Variants in SAP130 observed in about 807,000 individuals in gnomAD.
The protein encoded by SAP130 is histone deacetylase complex subunit SAP130.
In SAP130, 16 loss-of-function variants were observed where a neutral mutation model predicts 103.2. The ratio of observed to expected loss-of-function variants is 0.16; its 90% confidence interval spans 0.10 to 0.24. SAP130 has a LOEUF of 0.24. Among genes scored for constraint, SAP130 ranks in the 10% least tolerant of loss-of-function variants. SAP130 has a pLI of 1.00. For synonymous variants in SAP130, 477 were observed against 497.0 expected, an observed-to-expected ratio of 0.96 and a Z score of 0.53; for missense variants, 990 against 1,359.7, an observed-to-expected ratio of 0.73 and a Z score of 4.28.
At position 127,941,883 on chromosome 2, in the gene SAP130, A is replaced by G; in HGVS notation, c.*123T>C. The G allele has an allele frequency of 2.2e-6, 2 of 893,956 alleles. No individual in the cohort carries two copies. The highest frequency in any genetic ancestry group is 1.7e-6 in the Non-Finnish European group (1 of 573,294). 55.4% of individuals were successfully genotyped at this position (893,956 alleles called of 1,614,324 possible). ...GGATGTCATGGGTTCCTCTGCTTTC[A>G]CACGGGAACTAAGGAACACTTCCTT... On this transcript the variant is annotated 3_prime_UTR_variant, in exon 21 of 21. Transcript: ENST00000643581.
chr2:127,973,828 C>T (rs1681264277), intron 15 of SAP130, among the ~76,000 whole-genome samples: 1 of 152,096 alleles, frequency 6.6e-6, no homozygotes, highest in South Asian at 2.1e-4. Flanking sequence ...AATCCCAGCA[C>T]TTTGTGAGGC....
intron 5 of SAP130, among the ~76,000 whole-genome samples, chr2:128,014,118 AC>A (rs1172202349): frequency 6.6e-6 from 1 of 152,228 alleles, no homozygotes; most frequent in Non-Finnish European, 1.5e-5. Flanking sequence ...ACCATATTAA[AC>A]ACTTTAATTG....
At chr2:127,943,107 C>T (rs186471353) in intron 19 of SAP130, among the ~76,000 whole-genome samples, 49 of 152,320 alleles carry the variant, frequency 3.2e-4, no homozygotes, top group African/African-American at 1.2e-3. Context: ...CTTTTGAATA[C>T]TGCCTTGAAT....
chr2:127,941,941 ACCCTCC>A lies in SAP130; in HGVS notation c.*59_*64del. 1 of 276,724 alleles carries A rather than the reference ACCCTCC, an allele frequency of 3.6e-6. No homozygotes were observed. 17.1% of individuals were successfully genotyped at this position (276,724 alleles called of 1,614,324 possible). On this transcript the variant is annotated 3_prime_UTR_variant, in exon 21 of 21. Transcript: ENST00000643581. The stretch of plus-strand genomic sequence containing the variant: ...ATGTTCCACTTTGGAAAAAACCAAA[ACCCTCC>A]CCCCACCCCCACCATCATTCTTCAT...
chr2:127,954,118 C>T (rs1679673109), intron 16 of SAP130, among the ~76,000 whole-genome samples: 1 of 152,092 alleles, frequency 6.6e-6, no homozygotes, highest in African/African-American at 2.4e-5. Context: ...ACTGAGGGTG[C>T]TTCATTTTTC....
At chr2:128,010,205 A>G (rs2105161388) in intron 7 of SAP130, 64 bp downstream of exon 7, 5 of 1,536,154 alleles carry the variant, frequency 3.3e-6, no homozygotes, top group Non-Finnish European at 4.4e-6. Context: ...TGAAGGAACG[A>G]AAGAAAAAAG....
chr2:127,949,837 C>A (rs1185496235), intron 18 of SAP130, 32 bp downstream of exon 18: 5 of 1,607,440 alleles, frequency 3.1e-6, no homozygotes, highest in Non-Finnish European at 4.3e-6. Flanking sequence ...CAATTTCATG[C>A]ATTAATATCA....
At position 127,955,386 on chromosome 2, in the gene SAP130, A is replaced by C; in HGVS notation, c.2064-42T>G. On this transcript the variant is annotated intron_variant, in intron 15 of 20. Transcript: ENST00000643581. This position sits in a 1 kb window ranked among gnomAD's most constrained non-coding sequence, Gnocchi z 4.9. The stretch of plus-strand genomic sequence containing the variant: ...AAGCACATGTAGCAAATAAGAAAAA[A>C]ACTGCCTTCATCTACAACATCTCAG... 1 of 1,375,954 alleles carries C rather than the reference A, an allele frequency of 7.3e-7. No homozygotes were observed. The highest frequency in any genetic ancestry group is 1.0e-6 in the Non-Finnish European group (1 of 1,003,180). The allele number at this position is 1,375,954 out of a possible 1,614,324, so 85.2% of individuals were successfully genotyped here. A position where few individuals can be genotyped will look rare whatever the true frequency, so the allele number is the denominator to read the frequency against.
At chr2:127,943,728 T>G (rs1183634923) in intron 19 of SAP130, among the ~76,000 whole-genome samples, 3 of 152,216 alleles carry the variant, frequency 2.0e-5, no homozygotes, top group East Asian at 3.8e-4. Context: ...TAAGTTGCTC[T>G]GTGTGAGTCA....
At position 127,986,787 on chromosome 2, in the gene SAP130, A is replaced by G; in HGVS notation, c.1956T>C (p.Asp652=). The stretch of plus-strand genomic sequence containing the variant: ...TCGGCACTACCAGGTCTACTCACCC[A>G]TCTGTGGCAGGTTTCTTCCGGAGTA... ...PSILRKKPAT[D]GMAVRKTLIP... Residue 652 remains aspartate, a splice_region_variant and synonymous_variant, in exon 14 of 21, where the codon GAT becomes GAC. Coordinates refer to ENST00000643581, the MANE Select transcript of SAP130 (RefSeq NM_001330301.2). The surrounding 1 kb of genome is among the most constrained non-coding windows in gnomAD (Gnocchi z 4.7). 1 of 1,613,724 alleles carries G rather than the reference A, an allele frequency of 6.2e-7. No individual in the cohort carries two copies. The highest frequency in any genetic ancestry group is 1.7e-4 in the Middle Eastern group (1 of 5,942).
At position 127,986,829 on chromosome 2, in the gene SAP130, T is replaced by C. The variant is rs756500380; in HGVS notation, c.1914A>G (p.Ser638=). The C allele has an allele frequency of 6.2e-7, 1 of 1,614,218 alleles. No homozygotes were observed. Among genetic ancestry groups the C allele is most frequent in the Non-Finnish European group, 8.5e-7 (1 of 1,180,032 alleles). Residue 638 remains serine, a synonymous_variant, in exon 14 of 21, where the codon TCA becomes TCG. Coordinates refer to ENST00000643581, the MANE Select transcript of SAP130 (RefSeq NM_001330301.2). The surrounding 1 kb of genome is among the most constrained non-coding windows in gnomAD (Gnocchi z 4.7). ...TCCGGAGTATGCTTGGCCGTGGCGATGAGCCCTGGGCGGGAGCGTTGGTGC... is the reference window on the plus strand; with the variant it reads ...TCCGGAGTATGCTTGGCCGTGGCGACGAGCCCTGGGCGGGAGCGTTGGTGC... ...SASTNAPAQG[S]SPRPSILRKK...
At chr2:127,943,341 G>C (rs1223015673) in intron 19 of SAP130, among the ~76,000 whole-genome samples, 2 of 152,214 alleles carry the variant, frequency 1.3e-5, no homozygotes, top group African/African-American at 4.8e-5. Flanking sequence ...AAACATATAA[G>C]ATCCAACACT....
chr2:128,014,318 G>A (rs1054575152), intron 5 of SAP130, among the ~76,000 whole-genome samples: 4 of 151,562 alleles, frequency 2.6e-5, no homozygotes, highest in African/African-American at 7.3e-5. Flanking sequence ...TCTGCCTCCC[G>A]AGCTCAAGCC....
Position 127,996,518 on chromosome 2 carries a change from G to T in SAP130, c.1214-27C>A. On this transcript the variant is annotated intron_variant, in intron 10 of 20. Transcript: ENST00000643581. The surrounding 1 kb of genome is among the most constrained non-coding windows in gnomAD (Gnocchi z 4.3). ...TGCAAACAGTAAATGCCAATTCCATGACCATTCTACACTTTTTTTTGGCAT... is the reference window on the plus strand; with the variant it reads ...TGCAAACAGTAAATGCCAATTCCATTACCATTCTACACTTTTTTTTGGCAT... 6.7e-7 allele frequency: 1 copy of T among 1,490,624 alleles called. No individual in the cohort carries two copies. Among genetic ancestry groups the T allele is most frequent in the South Asian group, 1.3e-5 (1 of 75,204 alleles). 92.3% of individuals were successfully genotyped at this position (1,490,624 alleles called of 1,614,324 possible).
rs902513900 is a variant in SAP130, at chr2:127,978,799, T to G, written c.1959-710A>C. On this transcript the variant is annotated intron_variant, in intron 14 of 20. Coordinates refer to ENST00000643581, the MANE Select transcript of SAP130 (RefSeq NM_001330301.2). ...CATCATGTGTCTTCTGGTAAGAGAC[T>G]AATCACCAAACTATGAAGTAGTCTT... 2.0e-5 allele frequency among the ~76,000 whole-genome samples: 3 copies of G among 152,256 alleles called. No individual in the cohort carries two copies. The East Asian group carries it at 5.8e-4, about 29-fold the overall frequency.
intron 18 of SAP130, among the ~76,000 whole-genome samples, chr2:127,946,406 G>A (rs1679078356): frequency 6.6e-6 from 1 of 152,104 alleles, no homozygotes; most frequent in African/African-American, 2.4e-5. Context: ...AATCAAGGAA[G>A]AACCCTTCTT....
intron 7 of SAP130, among the ~76,000 whole-genome samples, chr2:128,002,099 G>T (rs1269262409): frequency 1.3e-5 from 2 of 151,948 alleles, no homozygotes; most frequent in Non-Finnish European, 2.9e-5. Flanking sequence ...GCTAATTTTT[G>T]TATTTTTAGT....
Position 127,986,004 on chromosome 2 carries a change from C to T in SAP130, c.1958+781G>A, listed in dbSNP as rs371506806. ...CCAGGGCAGTCAAGAGAGCTGGGGC[C>T]GCTCCATCTCCCTTCTGGCTTCCCC... On this transcript the variant is annotated intron_variant, in intron 14 of 20. Coordinates refer to ENST00000643581, the MANE Select transcript of SAP130 (RefSeq NM_001330301.2). This position sits in a 1 kb window ranked among gnomAD's most constrained non-coding sequence, Gnocchi z 4.7. Among the ~76,000 whole-genome samples the T allele has an allele frequency of 2.6e-5, 4 of 152,236 alleles. No homozygotes were observed. The highest frequency in any genetic ancestry group is 2.1e-4 in the South Asian group (1 of 4,822).
At chr2:127,962,802 A>T (rs995906764) in intron 15 of SAP130, among the ~76,000 whole-genome samples, 1 of 152,090 alleles carries the variant, frequency 6.6e-6, no homozygotes, top group Admixed American at 6.6e-5. Flanking sequence ...TGGGTGCAGC[A>T]TACCAACACG....
Sources: gnomAD v4.1 joint callset for allele counts (sites outside exome capture counted in the v4.1 genomes callset) on GRCh38, gnomAD v4.1.1 for gene constraint, Gnocchi (gnomAD v3.1) non-coding constraint, MANE v1.5 for transcripts, NCBI Gene and HGNC (gene_info 2026-07-23, HGNC 2026-07-21) for gene names.